STAC: variants seen among roughly 807,000 people sequenced by gnomAD.
STAC encodes the protein SH3 and cysteine rich domain.
Under a neutral mutation model 48.8 loss-of-function variants are expected in STAC, and 43 were observed. That is an observed-to-expected ratio of 0.88 (90% CI 0.69 to 1.14). The LOEUF (loss-of-function observed/expected upper bound fraction) is 1.14, where lower values mean the gene tolerates loss of function less well. Ranked by LOEUF, STAC falls within the 50% of genes most tolerant of loss-of-function variation. STAC has a pLI of 0.00. For synonymous variants in STAC, 193 were observed against 179.5 expected (o/e 1.07, Z -0.60); for missense variants, 497 against 504.0 (o/e 0.99, Z 0.13).
chr3:36,508,378 G>A (rs1232850358), intron 8 of STAC, among the ~76,000 whole-genome samples: 1 of 152,192 alleles, frequency 6.6e-6, no homozygotes, highest in African/African-American at 2.4e-5. Flanking sequence ...ATGTGGTGCT[G>A]AGAAGAATGT....
At chr3:36,452,175 T>C (rs1438389269) in intron 2 of STAC, among the ~76,000 whole-genome samples, 1 of 152,208 alleles carries the variant, frequency 6.6e-6, no homozygotes, top group African/African-American at 2.4e-5. Flanking sequence ...AGGATTTGGA[T>C]TGTGAGATTT....
intron 10 of STAC, among the ~76,000 whole-genome samples, chr3:36,542,621 T>C (rs1051668589): frequency 6.6e-6 from 1 of 152,210 alleles, no homozygotes; most frequent in Non-Finnish European, 1.5e-5. Context: ...TCTTACCCCA[T>C]TGGCTAGATC....
intron 8 of STAC, among the ~76,000 whole-genome samples, chr3:36,520,078 T>C (rs1204833065): frequency 6.6e-6 from 1 of 152,180 alleles, no homozygotes; most frequent in Non-Finnish European, 1.5e-5. Context: ...AGATCAGTCA[T>C]GTTTTTTGCC....
intron 1 of STAC, among the ~76,000 whole-genome samples, chr3:36,400,986 C>T (rs77966992): frequency 6.6e-6 from 1 of 152,308 alleles, no homozygotes; most frequent in African/African-American, 2.4e-5. Context: ...ACCTTTCATA[C>T]ACCATCCCTT....
intron 6 of STAC, among the ~76,000 whole-genome samples, chr3:36,499,857 T>G (rs565974203): frequency 6.6e-6 from 1 of 151,626 alleles, no homozygotes; most frequent in Admixed American, 6.6e-5. Context: ...CACAGGCAAA[T>G]ATTAAGCAAA....
Position 36,499,824 on chromosome 3 carries a change from A to T in STAC, c.767-4569A>T, listed in dbSNP as rs994220103. ...ACATAGGCAGAATAAATAACTTTTCAGACATAGAAACCAAGGGGCAACCAC... is the reference window on the plus strand; with the variant it reads ...ACATAGGCAGAATAAATAACTTTTCTGACATAGAAACCAAGGGGCAACCAC... On this transcript the variant is annotated intron_variant, in intron 6 of 10. Transcript: ENST00000273183. Among the ~76,000 whole-genome samples the T allele has an allele frequency of 2.2e-4, 33 of 152,058 alleles. 1 individual carries two copies. Among genetic ancestry groups the T allele is most frequent in the Non-Finnish European group, 2.9e-5 (2 of 67,984 alleles).
At chr3:36,497,340 A>G (rs1419290369) in intron 6 of STAC, among the ~76,000 whole-genome samples, 6 of 152,168 alleles carry the variant, frequency 3.9e-5, no homozygotes, top group Non-Finnish European at 8.8e-5. Context: ...GCACTCCTAA[A>G]ACTGTTAAGA....
At chr3:36,534,747 G>T (rs1041878053) in intron 10 of STAC, among the ~76,000 whole-genome samples, 1 of 151,486 alleles carries the variant, frequency 6.6e-6, no homozygotes, top group Non-Finnish European at 1.5e-5. Context: ...GTGAGGCAGG[G>T]TCTCACTCCC....
At chr3:36,501,420 ATTT>A (rs758364161) in intron 6 of STAC, among the ~76,000 whole-genome samples, 13 of 151,966 alleles carry the variant, frequency 8.6e-5, no homozygotes, top group Admixed American at 5.2e-4. Flanking sequence ...ATCTCTAATG[ATTT>A]TTTAAGATAA....
At chr3:36,519,741 A>G (rs1013789184) in intron 8 of STAC, among the ~76,000 whole-genome samples, 1 of 152,146 alleles carries the variant, frequency 6.6e-6, no homozygotes, top group Non-Finnish European at 1.5e-5. Flanking sequence ...AATTGAACAC[A>G]TGTCAGAATT....
chr3:36,493,243 T>C lies in STAC; in HGVS notation c.766+14T>C. ...GCAGCAACAGCGGTGAGTGAGGGAG[T>C]TGGCACAGCACAAATGTGATCACAT... On this transcript the variant is annotated intron_variant, in intron 6 of 10. Transcript: ENST00000273183. 5.0e-6 allele frequency: 8 copies of C among 1,610,982 alleles called. No homozygotes were observed. Among genetic ancestry groups the C allele is most frequent in the Non-Finnish European group, 5.1e-6 (6 of 1,178,558 alleles).
chr3:36,528,664 C>A, intron 8 of STAC, 32 bp from the exon 9 acceptor site: 1 of 1,503,836 alleles, frequency 6.6e-7, no homozygotes, highest in East Asian at 2.3e-5. Context: ...CTTTTTTTTT[C>A]CTTTACCTAA....
intron 2 of STAC, among the ~76,000 whole-genome samples, chr3:36,470,828 G>T (rs917655058): frequency 3.3e-5 from 5 of 152,234 alleles, no homozygotes; most frequent in Admixed American, 3.3e-4. Context: ...TTTCTCCCAA[G>T]AGGCTGATCT....
At chr3:36,399,034 A>C (rs1265582245) in intron 1 of STAC, among the ~76,000 whole-genome samples, 1 of 152,228 alleles carries the variant, frequency 6.6e-6, no homozygotes, top group Non-Finnish European at 1.5e-5. Context: ...CACATGGGGT[A>C]CAGAGTGCAC....
intron 4 of STAC, chr3:36,485,891 C>T (rs1403690777): frequency 8.6e-6 from 3 of 348,368 alleles, no homozygotes; most frequent in African/African-American, 6.3e-5. Flanking sequence ...AGAGGAAATT[C>T]AATCAGGAAG....
chr3:36,494,748 C>G (rs1294372829), intron 6 of STAC, among the ~76,000 whole-genome samples: 1 of 152,176 alleles, frequency 6.6e-6, no homozygotes, highest in Non-Finnish European at 1.5e-5. Context: ...TGCAAACAAC[C>G]ACTGAGCACT....
intron 10 of STAC, among the ~76,000 whole-genome samples, chr3:36,544,949 A>G (rs1046721070): frequency 1.3e-5 from 2 of 152,182 alleles, no homozygotes; most frequent in African/African-American, 4.8e-5. Context: ...AGTCCATTGT[A>G]TGTCCCAAGC....
rs183750842 is a variant in STAC, at chr3:36,508,872, T to C, written c.920+3038T>C. On this transcript the variant is annotated intron_variant, in intron 8 of 10. Transcript: ENST00000273183. ...CGATGGGTCTTGACTCTTTATCCAATTTGCCAGTCTGCAACTTTTAATTGG... is the reference window on the plus strand; with the variant it reads ...CGATGGGTCTTGACTCTTTATCCAACTTGCCAGTCTGCAACTTTTAATTGG... Among the ~76,000 whole-genome samples, 647 of 152,332 alleles carry C rather than the reference T, an allele frequency of 4.2e-3. 1 individual carries two copies. Among genetic ancestry groups the C allele is most frequent in the Non-Finnish European group, 6.5e-3 (442 of 68,042 alleles).
chr3:36,414,676 G>A (rs986766084), intron 1 of STAC, among the ~76,000 whole-genome samples: 40 of 152,254 alleles, frequency 2.6e-4, no homozygotes, highest in African/African-American at 8.2e-4. Flanking sequence ...CTCTCAACTC[G>A]TCATTCTCTG....
Sources: allele counts gnomAD v4.1 joint callset (sites outside exome capture counted in the v4.1 genomes callset), GRCh38; gene constraint gnomAD v4.1.1; transcripts MANE v1.5; gene names NCBI Gene and HGNC (gene_info 2026-07-23, HGNC 2026-07-21).